Variants in NRXN2 observed in about 807,000 individuals in gnomAD.
NRXN2 encodes neurexin 2, also known as neurexin-2-beta.
In NRXN2, 29 loss-of-function variants were observed where a neutral mutation model predicts 128.8. The observed-to-expected ratio is 0.23, with a 90% CI of 0.17 to 0.31. The LOEUF is 0.31. Among genes scored for constraint, NRXN2 ranks in the 10% least tolerant of loss-of-function variants. The pLI, the probability that NRXN2 is intolerant of heterozygous loss-of-function variation, is 1.00. For missense variants in NRXN2, 1,881 were observed against 2,452.6 expected, an observed-to-expected ratio of 0.77 and a Z score of 4.92; for synonymous variants, 1,098 against 1,075.2, an observed-to-expected ratio of 1.02 and a Z score of -0.41.
intron 9 of NRXN2, among the ~76,000 whole-genome samples, chr11:64,666,897 A>G (rs1391735113): frequency 1.1e-4 from 17 of 151,322 alleles, no homozygotes; most frequent in Non-Finnish European, 2.9e-5. Flanking sequence ...TGGGGTATCT[A>G]CTCTATGTTG....
At chr11:64,644,637 G>A (rs1000234584) in intron 17 of NRXN2, among the ~76,000 whole-genome samples, 4 of 151,832 alleles carry the variant, frequency 2.6e-5, no homozygotes, top group African/African-American at 4.8e-5. Context: ...CAACCTGCTC[G>A]GACAGGGGAG....
chr11:64,670,319 C>T (rs2050461449), intron 7 of NRXN2, among the ~76,000 whole-genome samples: 1 of 151,934 alleles, frequency 6.6e-6, no homozygotes, highest in South Asian at 2.1e-4. Flanking sequence ...TCCCTCCACC[C>T]CACCCTAAGG....
intron 6 of NRXN2, among the ~76,000 whole-genome samples, chr11:64,683,569 G>A (rs117094420): frequency 0.024 from 3,589 of 149,938 alleles, 53 homozygotes; most frequent in Middle Eastern, 0.045. Context: ...GGAGTGAGCC[G>A]AGATCACGCC....
chr11:64,649,253 G>A (rs891049272), intron 15 of NRXN2, among the ~76,000 whole-genome samples: 10 of 151,972 alleles, frequency 6.6e-5, no homozygotes, highest in Admixed American at 1.3e-4. Context: ...GCCCAATCCC[G>A]TCCACCCCCA....
At chr11:64,670,911 TCACTGGCCTCAGAAGCCAGGGCACCAGC>T (rs2050547006) in intron 7 of NRXN2, among the ~76,000 whole-genome samples, 1 of 152,146 alleles carries the variant, frequency 6.6e-6, no homozygotes, top group Non-Finnish European at 1.5e-5. Flanking sequence ...GTGTCCTCCC[TCACTGGCCTCAGAAGCCAGGGCACCAGC>T]CACTGGCCAT....
At chr11:64,633,584 A>G (rs1018815481) in intron 18 of NRXN2, among the ~76,000 whole-genome samples, 1 of 152,218 alleles carries the variant, frequency 6.6e-6, no homozygotes, top group African/African-American at 2.4e-5. Flanking sequence ...GGACACAGGG[A>G]AACCCAGTCA....
intron 6 of NRXN2, among the ~76,000 whole-genome samples, chr11:64,684,091 T>C (rs2052679151): frequency 1.3e-5 from 2 of 152,120 alleles, no homozygotes; most frequent in South Asian, 4.1e-4. Context: ...TGTCTTTTTT[T>C]CCCCCTCTGT....
intron 2 of NRXN2, among the ~76,000 whole-genome samples, chr11:64,709,883 T>C (rs1191782564): frequency 1.3e-5 from 2 of 151,022 alleles, no homozygotes; most frequent in Non-Finnish European, 2.9e-5. Flanking sequence ...GCCCGCCTTA[T>C]ATCTCACTTT....
intron 5 of NRXN2, chr11:64,688,818 T>C (rs1448870026): frequency 1.0e-6 from 1 of 985,170 alleles, no homozygotes; most frequent in Non-Finnish European, 1.2e-6. Context: ...GCTGCCTTCT[T>C]TCCAGGCCCA....
Position 64,677,494 on chromosome 11 carries a change from G to A in NRXN2, c.1153-457C>T, listed in dbSNP as rs117786798. Among the ~76,000 whole-genome samples the A allele has an allele frequency of 1.1e-3, 165 of 152,256 alleles. 2 individuals are homozygous for A. In the East Asian group the frequency reaches 0.025, roughly 23 times the overall value. On this transcript the variant is annotated intron_variant, in intron 6 of 22. Transcript: ENST00000265459. Reference sequence around the variant, plus strand: ...GACATTCCGCAGATGAGACAGAAAGGTTAGTTCGGTTTTTCACTCATACCT... The same window carrying A: ...GACATTCCGCAGATGAGACAGAAAGATTAGTTCGGTTTTTCACTCATACCT...
chr11:64,626,608 T>C, intron 19 of NRXN2, 56 bp from the exon 20 acceptor site: 1 of 1,299,492 alleles, frequency 7.7e-7, no homozygotes, highest in Non-Finnish European at 1.1e-6. Flanking sequence ...CCAAAGGAGT[T>C]AGAAAAGTAA....
Position 64,607,660 on chromosome 11 carries a change from TG to T in NRXN2, c.4674del (p.Asn1559ThrfsTer7). On this transcript the variant is annotated frameshift_variant, in exon 23 of 23. Transcript: ENST00000265459. LOFTEE classifies it high-confidence loss of function. Reference sequence around the variant, plus strand: ...TGGTTCATTTTGCCCGCCGGCAGGTTGGGGGCCGGGGCGGAGGGGGCAAACA... The same window carrying T: ...TGGTTCATTTTGCCCGCCGGCAGGTTGGGGCCGGGGCGGAGGGGGCAAACA... ...GVLFAPSAPA[P>X]NLPAGKMNHR... 2 of 1,524,194 alleles carry T rather than the reference TG, an allele frequency of 1.3e-6. No homozygotes were observed. The highest frequency in any genetic ancestry group is 1.8e-6 in the Non-Finnish European group (2 of 1,133,532). The allele number at this position is 1,524,194 out of a possible 1,614,324, so 94.4% of individuals were successfully genotyped here.
chr11:64,706,108 GTATATATATATAATATATATAATATATA>G, intron 2 of NRXN2, among the ~76,000 whole-genome samples: 1 of 2,510 alleles, frequency 4.0e-4, no homozygotes, highest in Non-Finnish European at 6.5e-4. Context: ...TATATATAAA[GTATATATATATAATATATATAATATATA>G]TTATATATAT....
At chr11:64,717,744 C>T (rs2057338626) in intron 1 of NRXN2, among the ~76,000 whole-genome samples, 1 of 152,180 alleles carries the variant, frequency 6.6e-6, no homozygotes, top group Non-Finnish European at 1.5e-5. Context: ...AATCCTTCGG[C>T]TTCTAGGAGG....
chr11:64,706,328 C>T (rs2056319865), intron 2 of NRXN2, among the ~76,000 whole-genome samples: 2 of 146,886 alleles, frequency 1.4e-5, no homozygotes, highest in Admixed American at 1.4e-4. Flanking sequence ...CCCACTCCCC[C>T]CACCCCACAA....
At position 64,713,678 on chromosome 11, in the gene NRXN2, G is replaced by A. The variant is rs2057173945; in HGVS notation, c.22C>T (p.Arg8Trp). 8.7e-7 allele frequency: 1 copy of A among 1,151,972 alleles called. No homozygotes were observed. The highest frequency in any genetic ancestry group is 3.9e-5 in the South Asian group (1 of 25,484). The allele number at this position is 1,151,972 out of a possible 1,614,324, so 71.4% of individuals were successfully genotyped here. The change falls in exon 2 of 23, where the codon CGG (arginine) becomes TGG (tryptophan). Residue 8 changes from arginine to tryptophan, a missense_variant. Transcript: ENST00000265459. ...AACAGCAGCGGCGGCGGTGTCGGCC[G>A]CCACCGGCTCCCGGACGCCATGCCT... The part of the protein sequence containing the change: MASGSRW[R>W]PTPPPLLLLL...
Position 64,653,680 on chromosome 11 carries a change from GA to G in NRXN2, c.2416+15del. 6.3e-7 allele frequency: 1 copy of G among 1,594,162 alleles called. No individual in the cohort carries two copies. On this transcript the variant is annotated intron_variant, in intron 12 of 22. Coordinates refer to ENST00000265459, the MANE Select transcript of NRXN2 (RefSeq NM_015080.4). ...GTCCCCTTGGGTCTCTGCAGAAGAA[GA>G]GGGAAGCCACTTACTGGGTGCGCAG...
At chr11:64,616,565 G>A (rs1396326230) in intron 22 of NRXN2, among the ~76,000 whole-genome samples, 2 of 152,156 alleles carry the variant, frequency 1.3e-5, no homozygotes, top group African/African-American at 4.8e-5. Context: ...TATAATCTGT[G>A]AGTCCGAGGG....
intron 17 of NRXN2, among the ~76,000 whole-genome samples, chr11:64,647,338 A>G (rs1002931000): frequency 6.6e-6 from 1 of 151,828 alleles, no homozygotes. Context: ...AGCAATGCTG[A>G]GGAGGCTGCA....
Sources: allele counts gnomAD v4.1 joint callset (sites outside exome capture counted in the v4.1 genomes callset), GRCh38; gene constraint gnomAD v4.1.1; transcripts MANE v1.5; gene names NCBI Gene and HGNC (gene_info 2026-07-23, HGNC 2026-07-21).